Variants in USH2A observed in about 807,000 individuals in gnomAD.
The protein encoded by USH2A is usherin.
Under a neutral mutation model 538.9 loss-of-function variants are expected in USH2A, and 443 were observed. That is an observed-to-expected ratio of 0.82 (90% CI 0.76 to 0.89). The LOEUF (loss-of-function observed/expected upper bound fraction) is 0.89, where lower values mean the gene tolerates loss of function less well. Ranked by LOEUF, USH2A falls within the 40% of genes least tolerant of loss-of-function variation. USH2A has a pLI of 0.00. For synonymous variants in USH2A, 2,413 were observed against 2,273.5 expected, an observed-to-expected ratio of 1.06 and a Z score of -1.75; for missense variants, 6,633 against 6,324.8, an observed-to-expected ratio of 1.05 and a Z score of -1.65.
intron 61 of USH2A, among the ~76,000 whole-genome samples, chr1:215,696,366 C>A (rs1245108901): frequency 6.6e-6 from 1 of 152,122 alleles, no homozygotes; most frequent in African/African-American, 2.4e-5. Flanking sequence ...CCTGTTCAAA[C>A]CTGTGTTGTT....
chr1:215,865,193 A>C (rs1664436766), intron 44 of USH2A, among the ~76,000 whole-genome samples: 1 of 152,188 alleles, frequency 6.6e-6, no homozygotes, highest in African/African-American at 2.4e-5. Flanking sequence ...AAAGAAGAAA[A>C]TGATAATGCA....
intron 4 of USH2A, among the ~76,000 whole-genome samples, chr1:216,348,382 C>A (rs947339560): frequency 6.6e-6 from 1 of 152,054 alleles, no homozygotes; most frequent in African/African-American, 2.4e-5. Flanking sequence ...TACACATGCC[C>A]TGTACAGGGT....
chr1:216,150,705 A>C (rs2033813505), intron 21 of USH2A, among the ~76,000 whole-genome samples: 1 of 152,062 alleles, frequency 6.6e-6, no homozygotes, highest in African/African-American at 2.4e-5. Flanking sequence ...CTTATTTAAA[A>C]AACCTTTCTC....
chr1:216,366,058 T>C (rs2038590169), intron 3 of USH2A, among the ~76,000 whole-genome samples: 1 of 152,156 alleles, frequency 6.6e-6, no homozygotes, highest in African/African-American at 2.4e-5. Context: ...AATCAGCTGT[T>C]TGGACATCAA....
At chr1:216,042,381 C>G (rs1203897005) in intron 32 of USH2A, among the ~76,000 whole-genome samples, 1 of 151,690 alleles carries the variant, frequency 6.6e-6, no homozygotes, top group Non-Finnish European at 1.5e-5. Context: ...ATTATTTTCC[C>G]TATCTAGTAA....
chr1:215,819,799 T>TGG (rs1662961773), intron 47 of USH2A, among the ~76,000 whole-genome samples: 1 of 151,756 alleles, frequency 6.6e-6, no homozygotes, highest in African/African-American at 2.4e-5. Context: ...CATGAACAGT[T>TGG]TGCTTTTGAG....
chr1:216,122,106 A>G (rs766832821), intron 21 of USH2A, among the ~76,000 whole-genome samples: 1 of 152,214 alleles, frequency 6.6e-6, no homozygotes, highest in Non-Finnish European at 1.5e-5. Context: ...GTTAACCTAC[A>G]TAAAGTCTGC....
At chr1:216,403,996 T>C (rs2102764055) in intron 3 of USH2A, among the ~76,000 whole-genome samples, 1 of 152,316 alleles carries the variant, frequency 6.6e-6, no homozygotes, top group Non-Finnish European at 1.5e-5. Context: ...ACCATGATTG[T>C]AAGTTTCCTG....
At chr1:216,379,683 G>A (rs1352190447) in intron 3 of USH2A, among the ~76,000 whole-genome samples, 2 of 152,164 alleles carry the variant, frequency 1.3e-5, no homozygotes, top group African/African-American at 4.8e-5. Flanking sequence ...GACTTACAAT[G>A]GGGAGAAAGT....
chr1:216,100,822 T>C (rs1261432110), intron 21 of USH2A, among the ~76,000 whole-genome samples: 1 of 152,236 alleles, frequency 6.6e-6, no homozygotes, highest in African/African-American at 2.4e-5. Flanking sequence ...ATAAAAATTA[T>C]GCACTATTTA....
intron 3 of USH2A, among the ~76,000 whole-genome samples, chr1:216,400,290 C>G (rs1039161363): frequency 6.6e-6 from 1 of 150,918 alleles, no homozygotes; most frequent in Non-Finnish European, 1.5e-5. Flanking sequence ...TTGAAACAAA[C>G]TCAAACTTGC....
chr1:215,774,087 G>C (rs1307772739), intron 55 of USH2A, among the ~76,000 whole-genome samples: 2 of 151,976 alleles, frequency 1.3e-5, no homozygotes, highest in South Asian at 4.2e-4. Flanking sequence ...CATTTGTACT[G>C]TCCATTTTCT....
intron 21 of USH2A, among the ~76,000 whole-genome samples, chr1:216,151,806 C>T (rs1040131709): frequency 9.2e-5 from 14 of 152,182 alleles, no homozygotes; most frequent in Admixed American, 2.6e-4. Context: ...AACTTGCCAA[C>T]CAAGCAAGTA....
At chr1:216,070,689 T>G (rs2031530110) in intron 29 of USH2A, among the ~76,000 whole-genome samples, 1 of 151,944 alleles carries the variant, frequency 6.6e-6, no homozygotes, top group South Asian at 2.1e-4. Context: ...AGTTTGACAC[T>G]TTTATATCTT....
chr1:215,707,174 C>T (rs1021434473), intron 61 of USH2A, among the ~76,000 whole-genome samples: 7 of 152,098 alleles, frequency 4.6e-5, no homozygotes, highest in African/African-American at 1.7e-4. Flanking sequence ...AATTGTTCTA[C>T]AATCTATTAT....
intron 21 of USH2A, among the ~76,000 whole-genome samples, chr1:216,153,807 T>C (rs940602345): frequency 6.6e-6 from 1 of 152,182 alleles, no homozygotes; most frequent in African/African-American, 2.4e-5. Context: ...TTGCACAGTT[T>C]TGTGAAGTAA....
chr1:216,331,422 A>G (rs150843046), intron 4 of USH2A, among the ~76,000 whole-genome samples: 268 of 152,262 alleles, frequency 1.8e-3, no homozygotes, highest in Non-Finnish European at 3.2e-3. Context: ...ATGACTGGAA[A>G]GAAGTTGTTA....
chr1:216,239,435 C>T (rs1390104153), intron 13 of USH2A, among the ~76,000 whole-genome samples: 2 of 152,082 alleles, frequency 1.3e-5, no homozygotes, highest in Non-Finnish European at 2.9e-5. Context: ...GGGAGCACTG[C>T]TATGGAGGTA....
At chr1:216,215,176 T>C (rs1033210561) in intron 15 of USH2A, among the ~76,000 whole-genome samples, 2 of 152,124 alleles carry the variant, frequency 1.3e-5, no homozygotes, top group African/African-American at 4.8e-5. Flanking sequence ...TCACAGATGA[T>C]ATTACTAAAT....
Sources: allele counts gnomAD v4.1 joint callset (sites outside exome capture counted in the v4.1 genomes callset), GRCh38; gene constraint gnomAD v4.1.1; transcripts MANE v1.5; gene names NCBI Gene and HGNC (gene_info 2026-07-23, HGNC 2026-07-21).